The following WWOX variants were observed in gnomAD, a reference collection of about 807,000 sequenced individuals.
WWOX encodes WW domain-containing oxidoreductase.
In WWOX, 69 loss-of-function variants were observed where a neutral mutation model predicts 46.2. That is an observed-to-expected ratio of 1.49 (90% CI 1.23 to 1.82). The LOEUF (loss-of-function observed/expected upper bound fraction) is 1.82, where lower values mean the gene tolerates loss of function less well. Ranked by LOEUF, WWOX falls within the 40% of genes most tolerant of loss-of-function variation. The probability of loss-of-function intolerance (pLI) is 0.00; values close to 1 mark genes in which losing one functional copy is unlikely to be tolerated. For synonymous variants in WWOX, 359 were observed against 202.6 expected (o/e 1.77, Z -6.56); for missense variants, 919 against 542.6 (o/e 1.69, Z -6.89).
intron 4 of WWOX, among the ~76,000 whole-genome samples, chr16:78,144,450 C>CATATATATATAT (rs1555543045): frequency 1.2e-4 from 3 of 24,934 alleles, no homozygotes; most frequent in Non-Finnish European, 2.3e-4. Context: ...TATATATACA[C>CATATATATATAT]ATATATATAT....
chr16:78,843,965 G>C (rs536171319), intron 8 of WWOX, among the ~76,000 whole-genome samples: 2 of 152,100 alleles, frequency 1.3e-5, no homozygotes, highest in African/African-American at 4.8e-5. Context: ...TCCTAATTAT[G>C]TGTAATTAGG....
In WWOX at chr16:78,313,766, A is replaced by G. The variant is rs888763258; in HGVS notation, c.517-73094A>G. ...CTTGTCTACATTTTGAGGCTCTTCT[A>G]TTATGGAAGAGGGCTAGAGAGGCCA... On this transcript the variant is annotated intron_variant, in intron 5 of 8. Coordinates refer to ENST00000566780, the MANE Select transcript of WWOX (RefSeq NM_016373.4). Among the ~76,000 whole-genome samples the G allele has an allele frequency of 3.9e-5, 6 of 152,216 alleles. 1 individual carries two copies. The highest frequency in any genetic ancestry group is 1.3e-4 in the Admixed American group (2 of 15,294).
rs1254125752 is a variant in WWOX at position 78,802,936 on chromosome 16, AAAAAAACAAC to A, written c.1056+370188_1056+370197del. ...ATCTGAAAAAAAAAAAAAAAAAAAAAAAAAAACAACAAACAGAAAAATGAACGAGTGAGTG... is the reference window on the plus strand; with the variant it reads ...ATCTGAAAAAAAAAAAAAAAAAAAAAAAACAGAAAAATGAACGAGTGAGTG... On this transcript the variant is annotated intron_variant, in intron 8 of 8. Coordinates refer to ENST00000566780, the MANE Select transcript of WWOX (RefSeq NM_016373.4). Among the ~76,000 whole-genome samples the A allele has an allele frequency of 5.1e-4, 51 of 100,200 alleles. 6 individuals are homozygous for A. The highest frequency in any genetic ancestry group is 2.8e-3 in the South Asian group (7 of 2,502). The allele number at this position is 100,200 out of a possible 152,430, so 65.7% of individuals were successfully genotyped here. A position where few individuals can be genotyped will look rare whatever the true frequency, so the allele number is the denominator to read the frequency against.
chr16:78,272,908 G>A (rs2151847998), intron 5 of WWOX, among the ~76,000 whole-genome samples: 1 of 152,246 alleles, frequency 6.6e-6, no homozygotes, highest in African/African-American at 2.4e-5. Context: ...ATCCTTAACA[G>A]CAGCTATGTT....
rs182507492 is a variant in WWOX at position 78,510,971 on chromosome 16, G to T, written c.1056+78219G>T. ...TTCCATCTGATATCACCATTGAGGG[G>T]AGCAAGATGACATGTGCCTACCCCA... On this transcript the variant is annotated intron_variant, in intron 8 of 8. Coordinates refer to ENST00000566780, the MANE Select transcript of WWOX (RefSeq NM_016373.4). Among the ~76,000 whole-genome samples the T allele has an allele frequency of 2.0e-5, 3 of 152,326 alleles. No individual in the cohort carries two copies. The East Asian group carries it at 5.8e-4, about 29-fold the overall frequency.
chr16:78,334,829 CACA>C (rs2080846180), intron 5 of WWOX, among the ~76,000 whole-genome samples: 1 of 129,646 alleles, frequency 7.7e-6, no homozygotes, highest in Non-Finnish European at 1.6e-5. Flanking sequence ...CACACACACA[CACA>C]TACACACACA....
chr16:78,448,592 A>T (rs538831506), intron 8 of WWOX, among the ~76,000 whole-genome samples: 1 of 152,162 alleles, frequency 6.6e-6, no homozygotes, highest in African/African-American at 2.4e-5. Context: ...GCTTTATTCA[A>T]TGGCCATGGA....
At chr16:78,117,451 T>C (rs1205440103) in intron 4 of WWOX, among the ~76,000 whole-genome samples, 1 of 152,160 alleles carries the variant, frequency 6.6e-6, no homozygotes, top group Non-Finnish European at 1.5e-5. Flanking sequence ...ATTTTTGAAA[T>C]AATATCGTAC....
intron 8 of WWOX, among the ~76,000 whole-genome samples, chr16:78,977,572 G>A (rs1216133430): frequency 2.7e-5 from 4 of 149,114 alleles, no homozygotes; most frequent in Non-Finnish European, 5.9e-5. Flanking sequence ...CTTTTTCTTT[G>A]AGGGGCTATA....
intron 4 of WWOX, among the ~76,000 whole-genome samples, chr16:78,140,056 C>T (rs905170911): frequency 1.3e-5 from 2 of 152,140 alleles, no homozygotes; most frequent in Non-Finnish European, 2.9e-5. Flanking sequence ...GCTGCAGAGT[C>T]AGAGAATCTC....
At chr16:78,853,657 G>C (rs1453427066) in intron 8 of WWOX, among the ~76,000 whole-genome samples, 1 of 152,124 alleles carries the variant, frequency 6.6e-6, no homozygotes, top group East Asian at 1.9e-4. Flanking sequence ...GTGGAGAAGA[G>C]GGGCGGATAA....
intron 5 of WWOX, among the ~76,000 whole-genome samples, chr16:78,204,217 C>T (rs1435069377): frequency 1.3e-5 from 2 of 152,156 alleles, no homozygotes; most frequent in African/African-American, 2.4e-5. Flanking sequence ...GCAGACCCTC[C>T]AGCCTTTTTT....
chr16:79,060,816 T>G (rs2150547910), intron 8 of WWOX, among the ~76,000 whole-genome samples: 1 of 152,348 alleles, frequency 6.6e-6, no homozygotes, highest in Non-Finnish European at 1.5e-5. Flanking sequence ...GTGTTTGCTG[T>G]GATTTGAGGG....
intron 8 of WWOX, among the ~76,000 whole-genome samples, chr16:78,640,231 T>G (rs1246506922): frequency 7.5e-5 from 6 of 80,300 alleles, no homozygotes; most frequent in African/African-American, 4.2e-4. Flanking sequence ...GTTGGGTTTT[T>G]TTTTTTTTTT....
intron 4 of WWOX, among the ~76,000 whole-genome samples, chr16:78,134,174 G>C (rs138604649): frequency 6.6e-5 from 10 of 152,270 alleles, no homozygotes; most frequent in African/African-American, 2.4e-4. Context: ...TTGGATTTTA[G>C]AGTCAACATG....
At position 78,924,460 on chromosome 16, in the gene WWOX, A is replaced by G. The variant is rs562651325; in HGVS notation, c.1057-287148A>G. Among the ~76,000 whole-genome samples the G allele has an allele frequency of 3.3e-5, 5 of 152,348 alleles. No homozygotes were observed. The South Asian group carries it at 1.0e-3, about 32-fold the overall frequency. On this transcript the variant is annotated intron_variant, in intron 8 of 8. Coordinates refer to ENST00000566780, the MANE Select transcript of WWOX (RefSeq NM_016373.4). ...AGAATCCCAGCTTTGGAGTTAAAAT[A>G]TCTCACTTAAAACTTGTCTTCGCTG...
intron 8 of WWOX, among the ~76,000 whole-genome samples, chr16:78,799,222 G>A (rs1295499832): frequency 1.3e-5 from 2 of 152,166 alleles, no homozygotes; most frequent in African/African-American, 4.8e-5. Flanking sequence ...GTGCAGAAAA[G>A]TTCATCTGGA....
chr16:78,827,409 G>A (rs1460563878), intron 8 of WWOX, among the ~76,000 whole-genome samples: 4 of 152,108 alleles, frequency 2.6e-5, no homozygotes, highest in Non-Finnish European at 5.9e-5. Flanking sequence ...TGGAGTCTCT[G>A]TGGCTCCAGG....
intron 8 of WWOX, among the ~76,000 whole-genome samples, chr16:79,113,114 CAT>C (rs903308787): frequency 9.2e-5 from 14 of 152,144 alleles, no homozygotes; most frequent in African/African-American, 2.7e-4. Context: ...ATCAGAAAAA[CAT>C]ATGTGTGTGT....
Sources: allele counts gnomAD v4.1 joint callset (sites outside exome capture counted in the v4.1 genomes callset), GRCh38; gene constraint gnomAD v4.1.1; transcripts MANE v1.5; gene names NCBI Gene and HGNC (gene_info 2026-07-23, HGNC 2026-07-21).